The following EDEM3 variants were observed in gnomAD, a reference collection of about 807,000 sequenced individuals.
EDEM3 encodes the protein ER degradation-enhancing alpha-mannosidase-like protein 3.
A neutral mutation model predicts 110.2 loss-of-function variants in EDEM3; 60 were observed. The ratio of observed to expected loss-of-function variants is 0.54; its 90% CI spans 0.44 to 0.67. The LOEUF is 0.67. Ranked by LOEUF, EDEM3 falls within the 30% of genes least tolerant of loss-of-function variation. The pLI is 0.00. For synonymous variants in EDEM3, 352 were observed against 382.9 expected (o/e 0.92, Z 0.94); for missense variants, 996 against 1,121.0 (o/e 0.89, Z 1.59).
intron 2 of EDEM3, among the ~76,000 whole-genome samples, chr1:184,746,525 T>G (rs1652440308): frequency 6.6e-6 from 1 of 152,218 alleles, no homozygotes; most frequent in Non-Finnish European, 1.5e-5. Flanking sequence ...CTAAGCACTT[T>G]CATTATATTA....
intron 7 of EDEM3, among the ~76,000 whole-genome samples, chr1:184,725,463 G>C (rs1043817533): frequency 3.7e-4 from 56 of 151,920 alleles, no homozygotes; most frequent in African/African-American, 1.4e-3. Flanking sequence ...AAGTTTAAAA[G>C]ATTAACCAAC....
chr1:184,754,415 G>A (rs1652972547), intron 1 of EDEM3, 74 bp downstream of exon 1: 6 of 1,594,738 alleles, frequency 3.8e-6, no homozygotes, highest in Middle Eastern at 1.7e-4. Flanking sequence ...CTACGCGACC[G>A]GGTCGCAATG....
chr1:184,733,671 T>C (rs936583087), intron 5 of EDEM3, among the ~76,000 whole-genome samples: 6 of 151,832 alleles, frequency 4.0e-5, no homozygotes, highest in South Asian at 4.2e-4. Context: ...CTACTAAAAA[T>C]ACAAAAATTA....
chr1:184,730,458 G>A (rs572513800), intron 6 of EDEM3, among the ~76,000 whole-genome samples: 1 of 152,038 alleles, frequency 6.6e-6, no homozygotes, highest in East Asian at 1.9e-4. Flanking sequence ...ATGGTGGCAC[G>A]TGCCTGTAGT....
At chr1:184,733,732 G>A (rs1651663154) in intron 5 of EDEM3, among the ~76,000 whole-genome samples, 1 of 151,686 alleles carries the variant, frequency 6.6e-6, no homozygotes, top group African/African-American at 2.4e-5. Context: ...GGAGGCTGAG[G>A]CAGGAGAATC....
intron 2 of EDEM3, among the ~76,000 whole-genome samples, chr1:184,744,819 CCAA>C (rs1256463103): frequency 6.6e-6 from 1 of 151,918 alleles, no homozygotes; most frequent in Non-Finnish European, 1.5e-5. Context: ...CAATATATCT[CCAA>C]CAACATGGAT....
intron 6 of EDEM3, among the ~76,000 whole-genome samples, chr1:184,728,596 TAAACA>T (rs747988199): frequency 2.0e-5 from 3 of 152,046 alleles, no homozygotes; most frequent in East Asian, 3.9e-4. Flanking sequence ...TAAGTGGTAT[TAAACA>T]ACTTTTTTTT....
chr1:184,723,629 G>A lies in EDEM3; in HGVS notation c.853+122C>T, dbSNP rs1319215953. The A allele has an allele frequency of 5.0e-6, 4 of 792,228 alleles. No individual in the cohort carries two copies. In the East Asian group the frequency reaches 1.2e-4, roughly 23 times the overall value. 49.1% of individuals were successfully genotyped at this position (792,228 alleles called of 1,614,324 possible). ...TCTGGCTAAATTAATTAAAATTCCAGCAATCTTGTGAGAACCTATGCTTTA... is the reference window on the plus strand; with the variant it reads ...TCTGGCTAAATTAATTAAAATTCCAACAATCTTGTGAGAACCTATGCTTTA... On this transcript the variant is annotated intron_variant, in intron 8 of 19. Transcript: ENST00000318130.
chr1:184,749,680 C>A, intron 1 of EDEM3, 88 bp from the exon 2 acceptor site: 2 of 1,114,242 alleles, frequency 1.8e-6, no homozygotes, highest in South Asian at 1.7e-5. Context: ...AATTCTTCCT[C>A]ATAAAAAATA....
chr1:184,693,919 G>A lies in EDEM3; in HGVS notation c.*144C>T, dbSNP rs1028909810. The A allele has an allele frequency of 1.6e-5, 13 of 808,830 alleles. No homozygotes were observed. The highest frequency in any genetic ancestry group is 2.6e-5 in the East Asian group (1 of 38,220). The allele number at this position is 808,830 out of a possible 1,614,324, so 50.1% of individuals were successfully genotyped here. Reference sequence around the variant, plus strand: ...AACACAGCATGCTCCAGATTCCTACGATAACTACGCCAGTCAGAACGTGGT... The same window carrying A: ...AACACAGCATGCTCCAGATTCCTACAATAACTACGCCAGTCAGAACGTGGT... On this transcript the variant is annotated 3_prime_UTR_variant, in exon 20 of 20. Transcript: ENST00000318130.
chr1:184,723,997 T>G, intron 7 of EDEM3, 141 bp from the exon 8 acceptor site: 1 of 620,764 alleles, frequency 1.6e-6, no homozygotes, highest in East Asian at 3.2e-5. Context: ...AGATAACTAT[T>G]TATAAACAAA....
intron 2 of EDEM3, among the ~76,000 whole-genome samples, chr1:184,739,469 C>T: frequency 6.6e-6 from 1 of 151,322 alleles, no homozygotes; most frequent in African/African-American, 2.4e-5. Context: ...TTTGATATTT[C>T]CTTAAATTTT....
Position 184,693,898 on chromosome 1 carries a change from C to T in EDEM3, c.*165G>A. 2 of 693,176 alleles carry T rather than the reference C, an allele frequency of 2.9e-6. No homozygotes were observed. Among genetic ancestry groups the T allele is most frequent in the Non-Finnish European group, 4.7e-6 (2 of 429,996 alleles). 42.9% of individuals were successfully genotyped at this position (693,176 alleles called of 1,614,324 possible). A position where few individuals can be genotyped will look rare whatever the true frequency, so the allele number is the denominator to read the frequency against. ...GTTTTAAACAAGGTCAATTCTAACA[C>T]AGCATGCTCCAGATTCCTACGATAA... On this transcript the variant is annotated 3_prime_UTR_variant, in exon 20 of 20. Coordinates refer to ENST00000318130, the MANE Select transcript of EDEM3 (RefSeq NM_025191.4).
At position 184,705,011 on chromosome 1, in the gene EDEM3, C is replaced by T. The variant is rs1188149974; in HGVS notation, c.2203+1632G>A. ...GCTTGAACCTGAGAGATGGAGGTTG[C>T]AGTGAGCCAAGATCACGCCACTGCA... On this transcript the variant is annotated intron_variant, in intron 18 of 19. Transcript: ENST00000318130. 3.3e-5 allele frequency among the ~76,000 whole-genome samples: 5 copies of T among 151,590 alleles called. No homozygotes were observed. In the East Asian group the frequency reaches 7.8e-4, roughly 24 times the overall value.
intron 9 of EDEM3, among the ~76,000 whole-genome samples, chr1:184,719,898 C>T (rs1278221222): frequency 1.3e-5 from 2 of 152,198 alleles, no homozygotes; most frequent in South Asian, 2.1e-4. Context: ...GCTCATAGGT[C>T]CCCTTGTAAT....
At chr1:184,723,885 A>AG in intron 7 of EDEM3, 29 bp from the exon 8 acceptor site, 2 of 1,441,542 alleles carry the variant, frequency 1.4e-6, no homozygotes, top group Non-Finnish European at 1.9e-6. Context: ...AAAAAAAAAA[A>AG]GAAGTGCATA....
At chr1:184,730,487 T>G (rs1651447691) in intron 6 of EDEM3, among the ~76,000 whole-genome samples, 1 of 152,006 alleles carries the variant, frequency 6.6e-6, no homozygotes, top group Admixed American at 6.6e-5. Flanking sequence ...CTCAGGAGGC[T>G]GAGGTGGGAG....
chr1:184,735,499 C>T (rs1166051218), intron 4 of EDEM3, among the ~76,000 whole-genome samples: 2 of 152,146 alleles, frequency 1.3e-5, no homozygotes, highest in Non-Finnish European at 2.9e-5. Flanking sequence ...TACCTAGAGC[C>T]TAAGTACATT....
rs896035356 is a variant in EDEM3 at position 184,721,444 on chromosome 1, T to TA, written c.854-59dup. Reference sequence around the variant, plus strand: ...TTTTTTTAAAACCGTTAAATTTTTTTAAAAAAATAGCACTCCTTAGATTAG... The same window carrying TA: ...TTTTTTTAAAACCGTTAAATTTTTTTAAAAAAAATAGCACTCCTTAGATTAG... On this transcript the variant is annotated intron_variant, in intron 8 of 19. Transcript: ENST00000318130. The TA allele has an allele frequency of 3.0e-6, 4 of 1,348,668 alleles. No individual in the cohort carries two copies. The African/African-American group carries it at 4.5e-5, about 15-fold the overall frequency. The allele number at this position is 1,348,668 out of a possible 1,614,324, so 83.5% of individuals were successfully genotyped here.
Sources: gnomAD v4.1 joint callset for allele counts (sites outside exome capture counted in the v4.1 genomes callset) on GRCh38, gnomAD v4.1.1 for gene constraint, MANE v1.5 for transcripts, NCBI Gene and HGNC (gene_info 2026-07-23, HGNC 2026-07-21) for gene names.